NRG3: variants seen among roughly 807,000 people sequenced by gnomAD.
The protein encoded by NRG3 is neuregulin 3.
In NRG3, 31 loss-of-function variants were observed where a neutral mutation model predicts 66.9. The observed-to-expected ratio is 0.46, with a 90% CI of 0.35 to 0.63. The LOEUF is 0.63. Among genes scored for constraint, NRG3 ranks in the 20% least tolerant of loss-of-function variants. The pLI is 0.00. For missense variants in NRG3, 910 were observed against 878.9 expected (o/e 1.04, Z -0.45); for synonymous variants, 393 against 359.4 (o/e 1.09, Z -1.06).
At chr10:82,601,598 A>T (rs904671539) in intron 2 of NRG3, among the ~76,000 whole-genome samples, 5 of 151,756 alleles carry the variant, frequency 3.3e-5, no homozygotes, top group Non-Finnish European at 7.4e-5. Flanking sequence ...TTATTATATC[A>T]ATATCAGAAT....
At chr10:82,963,695 A>T (rs988466326) in intron 6 of NRG3, among the ~76,000 whole-genome samples, 3 of 152,234 alleles carry the variant, frequency 2.0e-5, no homozygotes, top group African/African-American at 7.2e-5. Flanking sequence ...AAAATAAAAA[A>T]GAATTTGCGT....
At chr10:82,917,175 T>C (rs1004933316) in intron 4 of NRG3, among the ~76,000 whole-genome samples, 3 of 152,184 alleles carry the variant, frequency 2.0e-5, no homozygotes, top group African/African-American at 7.2e-5. Context: ...AGGGTCCTAA[T>C]ATTGGCCCAC....
intron 1 of NRG3, among the ~76,000 whole-genome samples, chr10:82,254,533 A>G (rs2077624625): frequency 6.6e-6 from 1 of 152,174 alleles, no homozygotes; most frequent in Non-Finnish European, 1.5e-5. Context: ...AATTAAAACA[A>G]CTTGGTTTCC....
In NRG3 at chr10:81,875,989, A is replaced by G. The variant is rs1841596850; in HGVS notation, c.649A>G (p.Ser217Gly). ...GSRPPVPGTP[S>G]TQAMPSWPTA... ...CCGACCCCCGGTGCCAGGAACTCCA[A>G]GTACCCAGGCAATGCCCTCCTGGCC... is the stretch of plus-strand genomic sequence containing the variant. The change falls in exon 1 of 9, where the codon AGT (serine) becomes GGT (glycine). Residue 217 changes from serine (S) to glycine (G), a missense_variant. Ser to Gly is a moderately conservative substitution (Grantham distance 56, BLOSUM62 0). Coordinates refer to ENST00000372141, the MANE Select transcript of NRG3 (RefSeq NM_001010848.4). The surrounding 1 kb of genome is among the most constrained non-coding windows in gnomAD (Gnocchi z 5.3). 3 of 1,613,946 alleles carry G rather than the reference A, an allele frequency of 1.9e-6. No homozygotes were observed. Among genetic ancestry groups the G allele is most frequent in the Admixed American group, 1.7e-5 (1 of 60,004 alleles).
At chr10:82,397,020 G>A (rs935496506) in intron 2 of NRG3, among the ~76,000 whole-genome samples, 4 of 152,102 alleles carry the variant, frequency 2.6e-5, no homozygotes, top group African/African-American at 4.8e-5. Flanking sequence ...AGTCTCCAAT[G>A]TCAGGAGAAC....
chr10:81,974,607 T>C (rs2060049784), intron 1 of NRG3, among the ~76,000 whole-genome samples: 1 of 152,032 alleles, frequency 6.6e-6, no homozygotes, highest in South Asian at 2.1e-4. Context: ...TATGAAGCAA[T>C]TGATGATCTG....
intron 3 of NRG3, among the ~76,000 whole-genome samples, chr10:82,773,998 C>T (rs1285009739): frequency 6.6e-6 from 1 of 152,146 alleles, no homozygotes; most frequent in South Asian, 2.1e-4. Context: ...TGTGATATAT[C>T]ACAGTGACTG....
At chr10:82,038,056 T>C (rs2062870380) in intron 1 of NRG3, among the ~76,000 whole-genome samples, 1 of 152,078 alleles carries the variant, frequency 6.6e-6, no homozygotes, top group South Asian at 2.1e-4. Context: ...ATTAGTAATC[T>C]ACACCCAGTA....
chr10:82,632,604 G>A (rs1039742234), intron 2 of NRG3, among the ~76,000 whole-genome samples: 4 of 151,946 alleles, frequency 2.6e-5, no homozygotes, highest in African/African-American at 9.7e-5. Flanking sequence ...TTTTCTGGTA[G>A]TTGGTAATCT....
chr10:82,408,539 A>G (rs2087798091), intron 2 of NRG3, among the ~76,000 whole-genome samples: 1 of 151,838 alleles, frequency 6.6e-6, no homozygotes, highest in African/African-American at 2.4e-5. Context: ...GTTATTACAT[A>G]TTACAAATCT....
At chr10:81,878,438 G>A (rs1249050561) in intron 1 of NRG3, among the ~76,000 whole-genome samples, 1 of 152,164 alleles carries the variant, frequency 6.6e-6, no homozygotes, top group Non-Finnish European at 1.5e-5. Flanking sequence ...TGTTTAAATA[G>A]GCAAGTTGTA....
intron 1 of NRG3, among the ~76,000 whole-genome samples, chr10:82,277,795 G>T (rs1276346212): frequency 1.3e-5 from 2 of 152,016 alleles, no homozygotes; most frequent in African/African-American, 2.4e-5. Flanking sequence ...CTGGATTCCA[G>T]CCACAGTGAG....
At chr10:82,269,818 C>T (rs1429427197) in intron 1 of NRG3, among the ~76,000 whole-genome samples, 1 of 152,042 alleles carries the variant, frequency 6.6e-6, no homozygotes, top group Non-Finnish European at 1.5e-5. Flanking sequence ...AACAAGGTCC[C>T]AGGTAATGCT....
chr10:82,742,657 G>GT (rs1591380710), intron 3 of NRG3, among the ~76,000 whole-genome samples: 1 of 152,054 alleles, frequency 6.6e-6, no homozygotes, highest in East Asian at 1.9e-4. Context: ...TTCTGTGGAG[G>GT]AGCCGGCATC....
chr10:82,783,069 A>G (rs1228410001), intron 3 of NRG3, among the ~76,000 whole-genome samples: 1 of 152,224 alleles, frequency 6.6e-6, no homozygotes, highest in Non-Finnish European at 1.5e-5. Context: ...CAAATCAATA[A>G]ATGTAATCCA....
chr10:82,409,973 A>G (rs2087927628), intron 2 of NRG3, among the ~76,000 whole-genome samples: 1 of 152,122 alleles, frequency 6.6e-6, no homozygotes, highest in Non-Finnish European at 1.5e-5. Flanking sequence ...ACCCTGAGCA[A>G]GCGCCCCAAG....
At chr10:82,772,490 C>G (rs1180113509) in intron 3 of NRG3, among the ~76,000 whole-genome samples, 1 of 152,056 alleles carries the variant, frequency 6.6e-6, no homozygotes, top group African/African-American at 2.4e-5. Context: ...CTCCCTTGTG[C>G]CCTTAATAAC....
In NRG3 at chr10:81,875,505, C is replaced by T. The variant is rs767942442; in HGVS notation, c.165C>T (p.Ser55=). The T allele has an allele frequency of 3.1e-6, 5 of 1,604,866 alleles. No individual in the cohort carries two copies. In the South Asian group the frequency reaches 4.4e-5, roughly 14 times the overall value. The change falls in exon 1 of 9, where the codon AGC becomes AGT. Residue 55 remains serine, a synonymous_variant. Transcript: ENST00000372141. This position sits in a 1 kb window ranked among gnomAD's most constrained non-coding sequence, Gnocchi z 5.3. ...AAEPPRELRC[S]DCIVWNRQQT... is the part of the protein sequence containing the mutation. Reference sequence around the variant, plus strand: ...AGCCCCCCCGGGAGTTACGCTGTAGCGACTGCATCGTGTGGAACCGGCAGC... The same window carrying T: ...AGCCCCCCCGGGAGTTACGCTGTAGTGACTGCATCGTGTGGAACCGGCAGC...
chr10:82,884,095 A>G (rs1842523648), intron 4 of NRG3, among the ~76,000 whole-genome samples: 1 of 152,068 alleles, frequency 6.6e-6, no homozygotes. Context: ...TTATAGTTGT[A>G]TAAGAGATAT....
Sources: allele counts gnomAD v4.1 joint callset (sites outside exome capture counted in the v4.1 genomes callset), GRCh38; gene constraint gnomAD v4.1.1; non-coding constraint Gnocchi (gnomAD v3.1); transcripts MANE v1.5; gene names NCBI Gene and HGNC (gene_info 2026-07-23, HGNC 2026-07-21).